ROCK2: variants seen among roughly 807,000 people sequenced by gnomAD.
The protein encoded by ROCK2 is rho-associated protein kinase 2.
ROCK2 carries 61 observed loss-of-function variants against 195.1 expected under a neutral mutation model. That is an observed-to-expected ratio of 0.31 (90% confidence interval 0.25 to 0.39). ROCK2 has a LOEUF of 0.39. Among genes scored for constraint, ROCK2 ranks in the 10% least tolerant of loss-of-function variants. The pLI is 1.00. For missense variants in ROCK2, 1,109 were observed against 1,637.4 expected (o/e 0.68, Z 5.57); for synonymous variants, 504 against 545.5 (o/e 0.92, Z 1.06).
At chr2:11,312,453 C>T (rs943759358) in intron 1 of ROCK2, among the ~76,000 whole-genome samples, 6 of 151,984 alleles carry the variant, frequency 3.9e-5, no homozygotes, top group African/African-American at 1.2e-4. Flanking sequence ...CTTCAAAAGC[C>T]CCCACTTTCT....
intron 1 of ROCK2, among the ~76,000 whole-genome samples, chr2:11,288,878 C>T (rs977490324): frequency 5.9e-5 from 9 of 151,946 alleles, no homozygotes; most frequent in African/African-American, 2.2e-4. Context: ...TCCAGACCAA[C>T]GTGGGCAACA....
intron 1 of ROCK2, among the ~76,000 whole-genome samples, chr2:11,331,508 T>A (rs748670540): frequency 8.6e-5 from 13 of 151,876 alleles, no homozygotes; most frequent in Non-Finnish European, 1.6e-4. Context: ...GGGAAAGAAA[T>A]AAGTTTATAA....
chr2:11,249,524 T>C, intron 4 of ROCK2, 137 bp downstream of exon 4: 1 of 613,294 alleles, frequency 1.6e-6, no homozygotes, highest in Non-Finnish European at 2.5e-6. Flanking sequence ...AACAAATGTT[T>C]TGAATCAAAT....
intron 1 of ROCK2, among the ~76,000 whole-genome samples, chr2:11,291,409 G>A (rs906812729): frequency 2.6e-5 from 4 of 152,170 alleles, no homozygotes; most frequent in Admixed American, 1.3e-4. Context: ...AATTAGCCGC[G>A]CGTGGTGGCG....
intron 6 of ROCK2, among the ~76,000 whole-genome samples, chr2:11,225,782 GA>G (rs1419533156): frequency 1.3e-5 from 2 of 152,182 alleles, no homozygotes; most frequent in African/African-American, 4.8e-5. Flanking sequence ...CTAGGCCAGA[GA>G]TGGGAGAACG....
At chr2:11,267,015 G>T (rs10194620) in intron 3 of ROCK2, among the ~76,000 whole-genome samples, 119,319 of 152,150 alleles carry the variant, frequency 0.78, 48,675 homozygotes, top group East Asian at 0.94. Context: ...TCCTTTAACA[G>T]ATTAAATTGT....
intron 3 of ROCK2, among the ~76,000 whole-genome samples, chr2:11,258,784 T>A (rs543122411): frequency 1.3e-5 from 2 of 151,002 alleles, no homozygotes; most frequent in South Asian, 4.1e-4. Context: ...GGAGGTAGGA[T>A]AAGTCTAGGG....
intron 3 of ROCK2, among the ~76,000 whole-genome samples, chr2:11,252,575 G>A (rs1197343660): frequency 6.6e-6 from 1 of 152,110 alleles, no homozygotes; most frequent in Non-Finnish European, 1.5e-5. Flanking sequence ...TGATAGACTG[G>A]ATAAACAAAA....
At chr2:11,301,778 CAAAA>C (rs70953386) in intron 1 of ROCK2, among the ~76,000 whole-genome samples, 77 of 129,568 alleles carry the variant, frequency 5.9e-4, no homozygotes, top group Middle Eastern at 4.0e-3. Flanking sequence ...AACGCCGCCT[CAAAA>C]AAAAAAAAAA....
intron 6 of ROCK2, among the ~76,000 whole-genome samples, chr2:11,225,560 G>T (rs1032473519): frequency 6.6e-6 from 1 of 151,508 alleles, no homozygotes; most frequent in South Asian, 2.1e-4. Context: ...GGCTGGCCTT[G>T]AGCTCCTGGG....
intron 27 of ROCK2, among the ~76,000 whole-genome samples, chr2:11,195,714 C>T (rs1663609444): frequency 6.6e-6 from 1 of 152,090 alleles, no homozygotes; most frequent in African/African-American, 2.4e-5. Context: ...GGGGTTTCAC[C>T]ATGTTGGCCA....
chr2:11,336,609 G>A (rs1160616489), intron 1 of ROCK2, among the ~76,000 whole-genome samples: 6 of 152,198 alleles, frequency 3.9e-5, no homozygotes, highest in Non-Finnish European at 8.8e-5. Context: ...TGATGATCCG[G>A]TGTAGCTACT....
At chr2:11,222,676 A>G (rs140617822) in intron 7 of ROCK2, among the ~76,000 whole-genome samples, 7 of 152,262 alleles carry the variant, frequency 4.6e-5, no homozygotes, top group African/African-American at 1.2e-4. Flanking sequence ...TAAACTTATC[A>G]TTCTGCATAT....
At chr2:11,304,319 C>T (rs965333484) in intron 1 of ROCK2, among the ~76,000 whole-genome samples, 14 of 152,182 alleles carry the variant, frequency 9.2e-5, no homozygotes, top group Admixed American at 9.2e-4. Context: ...CAGTCTTTCA[C>T]ATCTCCATTC....
At chr2:11,276,474 A>G (rs928933964) in intron 3 of ROCK2, among the ~76,000 whole-genome samples, 1 of 152,250 alleles carries the variant, frequency 6.6e-6, no homozygotes, top group South Asian at 2.1e-4. Flanking sequence ...TGAAAGAGAC[A>G]TCTAATAAAA....
At chr2:11,221,137 C>T (rs893249072) in intron 9 of ROCK2, 61 bp downstream of exon 9, 12 of 1,261,874 alleles carry the variant, frequency 9.5e-6, no homozygotes, top group Non-Finnish European at 1.3e-5. Flanking sequence ...CTCAAAATAA[C>T]ACATCATCTT....
chr2:11,257,334 G>A (rs922796748), intron 3 of ROCK2, among the ~76,000 whole-genome samples: 1 of 151,440 alleles, frequency 6.6e-6, no homozygotes, highest in African/African-American at 2.5e-5. Flanking sequence ...GCTGGCAGCT[G>A]CAGTGGCGGC....
At chr2:11,311,142 A>T (rs1182278762) in intron 1 of ROCK2, among the ~76,000 whole-genome samples, 1 of 152,112 alleles carries the variant, frequency 6.6e-6, no homozygotes, top group African/African-American at 2.4e-5. Flanking sequence ...TTAAAAAAAC[A>T]AACAATTCTT....
At chr2:11,288,582 C>T (rs1667268881) in intron 1 of ROCK2, among the ~76,000 whole-genome samples, 1 of 152,186 alleles carries the variant, frequency 6.6e-6, no homozygotes, top group African/African-American at 2.4e-5. Context: ...CAACCTAAAT[C>T]TTAGGAGGTC....
Sources: allele counts gnomAD v4.1 joint callset (sites outside exome capture counted in the v4.1 genomes callset), GRCh38; gene constraint gnomAD v4.1.1; transcripts MANE v1.5; gene names NCBI Gene and HGNC (gene_info 2026-07-23, HGNC 2026-07-21).